Variants in ZNF804B observed in about 807,000 individuals in gnomAD.
The protein encoded by ZNF804B is zinc finger 804B.
ZNF804B carries 80 observed loss-of-function variants against 101.4 expected under a neutral mutation model. That is an observed-to-expected ratio of 0.79 (90% CI 0.66 to 0.95). ZNF804B has a LOEUF of 0.95. ZNF804B is among the 40% of genes least tolerant of loss of function. The pLI is 0.00. For synonymous variants in ZNF804B, 622 were observed against 558.8 expected, an observed-to-expected ratio of 1.11 and a Z score of -1.59; for missense variants, 1,673 against 1,561.9, an observed-to-expected ratio of 1.07 and a Z score of -1.20.
At chr7:88,803,840 A>G (rs1171255366) in intron 1 of ZNF804B, among the ~76,000 whole-genome samples, 2 of 152,066 alleles carry the variant, frequency 1.3e-5, no homozygotes, top group Non-Finnish European at 2.9e-5. Context: ...CATGGGAAAC[A>G]ATGAAGTCAT....
intron 1 of ZNF804B, among the ~76,000 whole-genome samples, chr7:89,179,752 C>G (rs1362298552): frequency 3.9e-5 from 6 of 152,150 alleles, no homozygotes; most frequent in Admixed American, 2.6e-4. Flanking sequence ...GTCCTCATCA[C>G]AGTCTGGGCT....
intron 3 of ZNF804B, among the ~76,000 whole-genome samples, chr7:89,328,672 GA>G (rs906996088): frequency 1.3e-5 from 2 of 151,780 alleles, no homozygotes; most frequent in Non-Finnish European, 2.9e-5. Context: ...TAGCATGCAG[GA>G]AAAAATCTAG....
intron 1 of ZNF804B, among the ~76,000 whole-genome samples, chr7:89,159,327 T>G (rs1791023588): frequency 1.3e-5 from 2 of 152,176 alleles, no homozygotes; most frequent in Admixed American, 6.6e-5. Flanking sequence ...CTCACAGACC[T>G]CTGTAGTGTT....
chr7:88,760,425 A>C (rs188698100), intron 1 of ZNF804B, among the ~76,000 whole-genome samples: 108 of 152,330 alleles, frequency 7.1e-4, no homozygotes, highest in Non-Finnish European at 1.3e-3. Flanking sequence ...AGCAGTGTAG[A>C]AAGTTTGAGT....
intron 1 of ZNF804B, among the ~76,000 whole-genome samples, chr7:88,925,932 T>C (rs1429823630): frequency 3.3e-5 from 5 of 152,144 alleles, no homozygotes; most frequent in Non-Finnish European, 7.3e-5. Flanking sequence ...ATGCTTCCTA[T>C]GCAGGAGAAT....
At chr7:89,299,323 T>C (rs1227666196) in intron 2 of ZNF804B, among the ~76,000 whole-genome samples, 2 of 152,096 alleles carry the variant, frequency 1.3e-5, no homozygotes, top group African/African-American at 4.8e-5. Flanking sequence ...AAATGTCAGT[T>C]ATCTGTAACA....
chr7:88,973,559 CTT>C (rs34826320), intron 1 of ZNF804B, among the ~76,000 whole-genome samples: 3,417 of 147,876 alleles, frequency 0.023, 135 homozygotes, highest in African/African-American at 0.079. Context: ...GAAGTATAAT[CTT>C]TTTTTTTTTA....
At chr7:89,253,564 A>C (rs1255644190) in intron 2 of ZNF804B, among the ~76,000 whole-genome samples, 1 of 152,268 alleles carries the variant, frequency 6.6e-6, no homozygotes, top group East Asian at 1.9e-4. Context: ...GTTCAGTCAG[A>C]ATCAAAATAA....
chr7:89,059,715 C>T (rs1354404463), intron 1 of ZNF804B, among the ~76,000 whole-genome samples: 2 of 152,092 alleles, frequency 1.3e-5, no homozygotes, highest in East Asian at 3.9e-4. Flanking sequence ...ACCAAGTTGA[C>T]AAGGGCTATT....
In ZNF804B at chr7:89,327,393, A is replaced by G. The variant is rs751313919; in HGVS notation, c.299A>G (p.Lys100Arg). The change falls in exon 3 of 4, where the codon AAG (lysine) becomes AGG (arginine). Residue 100 changes from lysine (K) to arginine (R), a missense_variant. Physicochemically the swap from Lys to Arg is conservative, Grantham distance 26. Coordinates refer to ENST00000333190, the MANE Select transcript of ZNF804B (RefSeq NM_181646.5). Reference sequence around the variant, plus strand: ...GAATTTGCTCGAAATGTAGCTTCTAAGTCATGGAAAGATGAGAAAAAACAA... The same window carrying G: ...GAATTTGCTCGAAATGTAGCTTCTAGGTCATGGAAAGATGAGAAAAAACAA... ...QREFARNVAS[K>R]SWKDEKKQEK... 1 of 1,610,912 alleles carries G rather than the reference A, an allele frequency of 6.2e-7. No individual in the cohort carries two copies. The highest frequency in any genetic ancestry group is 8.5e-7 in the Non-Finnish European group (1 of 1,178,376).
chr7:88,863,376 T>A (rs1765486998), intron 1 of ZNF804B, among the ~76,000 whole-genome samples: 1 of 152,214 alleles, frequency 6.6e-6, no homozygotes, highest in African/African-American at 2.4e-5. Context: ...AATATCAATC[T>A]GTTTTTGCCA....
chr7:88,888,289 G>A (rs957174615), intron 1 of ZNF804B, among the ~76,000 whole-genome samples: 2 of 152,210 alleles, frequency 1.3e-5, no homozygotes, highest in Admixed American at 6.5e-5. Flanking sequence ...CTACTTGGGA[G>A]GTTGAGGCAA....
intron 1 of ZNF804B, among the ~76,000 whole-genome samples, chr7:89,206,378 G>A (rs1788714600): frequency 6.6e-6 from 1 of 152,196 alleles, no homozygotes; most frequent in Non-Finnish European, 1.5e-5. Flanking sequence ...TTATCAGGCT[G>A]CAAATTTTCT....
At chr7:89,016,477 C>T (rs1302688248) in intron 1 of ZNF804B, among the ~76,000 whole-genome samples, 7 of 151,534 alleles carry the variant, frequency 4.6e-5, no homozygotes, top group Admixed American at 6.6e-5. Context: ...TTAGGTCTAA[C>T]GTTTAAGTCT....
intron 1 of ZNF804B, among the ~76,000 whole-genome samples, chr7:89,080,391 T>G (rs187070887): frequency 1.3e-5 from 2 of 152,104 alleles, no homozygotes; most frequent in East Asian, 3.9e-4. Flanking sequence ...ATTTGAGCTA[T>G]TTGCACTAGT....
At chr7:88,959,087 T>C (rs1447035001) in intron 1 of ZNF804B, among the ~76,000 whole-genome samples, 1 of 151,432 alleles carries the variant, frequency 6.6e-6, no homozygotes, top group African/African-American at 2.4e-5. Context: ...GCTCTTACTC[T>C]AGAGGTTGTC....
chr7:89,297,656 A>C (rs1281890742), intron 2 of ZNF804B, among the ~76,000 whole-genome samples: 1 of 152,008 alleles, frequency 6.6e-6, no homozygotes, highest in African/African-American at 2.4e-5. Flanking sequence ...GAAATAGTAC[A>C]AAGAACTCTC....
intron 1 of ZNF804B, among the ~76,000 whole-genome samples, chr7:88,805,735 A>C (rs1790676011): frequency 6.6e-6 from 1 of 152,114 alleles, no homozygotes; most frequent in Admixed American, 6.5e-5. Flanking sequence ...GTGGTATGGG[A>C]AGTATAGGCA....
chr7:88,934,692 A>T (rs1301654662), intron 1 of ZNF804B, among the ~76,000 whole-genome samples: 7 of 152,044 alleles, frequency 4.6e-5, no homozygotes, highest in Non-Finnish European at 8.8e-5. Context: ...ACAATGAGAT[A>T]CCACCTTACT....
Sources: gnomAD v4.1 joint callset for allele counts (sites outside exome capture counted in the v4.1 genomes callset) on GRCh38, gnomAD v4.1.1 for gene constraint, MANE v1.5 for transcripts, NCBI Gene and HGNC (gene_info 2026-07-23, HGNC 2026-07-21) for gene names.